The following MDFIC variants were observed in gnomAD, a reference collection of about 807,000 sequenced individuals.
The protein encoded by MDFIC is myoD family inhibitor domain-containing protein.
In MDFIC, 17 loss-of-function variants were observed where a neutral mutation model predicts 23.2. The observed-to-expected ratio is 0.73, with a 90% CI of 0.50 to 1.10. The LOEUF is 1.10. Among genes scored for constraint, MDFIC ranks in the 50% least tolerant of loss-of-function variants. MDFIC has a pLI of 0.00. For synonymous variants in MDFIC, 120 were observed against 115.2 expected, an observed-to-expected ratio of 1.04 and a Z score of -0.27; for missense variants, 356 against 316.6, an observed-to-expected ratio of 1.12 and a Z score of -0.95.
At chr7:114,979,115 G>A (rs190598597) in intron 3 of MDFIC, among the ~76,000 whole-genome samples, 3 of 152,082 alleles carry the variant, frequency 2.0e-5, no homozygotes, top group Non-Finnish European at 4.4e-5. Flanking sequence ...TTTGTTATTA[G>A]TAGTAGTATT....
At chr7:114,938,158 G>T (rs1792465111) in intron 2 of MDFIC, among the ~76,000 whole-genome samples, 1 of 151,948 alleles carries the variant, frequency 6.6e-6, no homozygotes, top group East Asian at 1.9e-4. Context: ...GTTTTACCAT[G>T]TTGGTCAGGC....
intron 3 of MDFIC, among the ~76,000 whole-genome samples, chr7:114,956,358 CAT>C (rs10671125): frequency 8.0e-5 from 12 of 149,634 alleles, no homozygotes; most frequent in East Asian, 2.0e-4. Flanking sequence ...TACACACACA[CAT>C]ATATATATAT....
rs557378267 is a variant in MDFIC, at chr7:114,960,334, C to T, written c.217+17937C>T. 5.3e-5 allele frequency among the ~76,000 whole-genome samples: 8 copies of T among 152,254 alleles called. No homozygotes were observed. The East Asian group carries it at 1.4e-3, about 26-fold the overall frequency. On this transcript the variant is annotated intron_variant, in intron 3 of 4. Transcript: ENST00000393486. ...GCCATGGAAAGCATAGAACCTCTTC[C>T]TTACTGCGTTTTCAGGCTGATCCAG...
intron 2 of MDFIC, among the ~76,000 whole-genome samples, chr7:114,939,846 T>C (rs1792503635): frequency 6.6e-6 from 1 of 152,214 alleles, no homozygotes; most frequent in South Asian, 2.1e-4. Flanking sequence ...TTAATTTCAT[T>C]CAGCTTCAAT....
At chr7:115,007,326 G>A (rs1408780918) in intron 4 of MDFIC, among the ~76,000 whole-genome samples, 2 of 152,080 alleles carry the variant, frequency 1.3e-5, no homozygotes, top group Non-Finnish European at 1.5e-5. Context: ...AGTACTTAAT[G>A]TGCATTATCT....
chr7:114,927,457 C>T (rs373814719), intron 2 of MDFIC, among the ~76,000 whole-genome samples: 1 of 151,658 alleles, frequency 6.6e-6, no homozygotes, highest in Admixed American at 6.6e-5. Flanking sequence ...TTGTCATACG[C>T]TTCAATTCAT....
At chr7:114,949,809 A>G (rs1458045205) in intron 3 of MDFIC, among the ~76,000 whole-genome samples, 2 of 152,222 alleles carry the variant, frequency 1.3e-5, no homozygotes, top group East Asian at 3.9e-4. Context: ...GGAGGGGGCC[A>G]GAGGGAGCTT....
At chr7:115,004,941 G>A (rs556529212) in intron 4 of MDFIC, among the ~76,000 whole-genome samples, 4 of 152,308 alleles carry the variant, frequency 2.6e-5, no homozygotes, top group South Asian at 2.1e-4. Context: ...GTACAGTATG[G>A]CTATTTGCTC....
intron 4 of MDFIC, chr7:115,014,501 C>A: frequency 1.6e-6 from 2 of 1,289,506 alleles, no homozygotes; most frequent in Non-Finnish European, 2.0e-6. Flanking sequence ...ATTTTAATGC[C>A]AAATACAGAA....
intron 2 of MDFIC, among the ~76,000 whole-genome samples, chr7:114,931,289 C>T (rs140265316): frequency 2.6e-4 from 39 of 152,278 alleles, no homozygotes; most frequent in African/African-American, 8.2e-4. Context: ...AATTTAATTT[C>T]GTTTGTGGTT....
At chr7:115,009,028 T>G (rs1032734101) in intron 4 of MDFIC, among the ~76,000 whole-genome samples, 2 of 152,184 alleles carry the variant, frequency 1.3e-5, no homozygotes, top group Admixed American at 6.5e-5. Flanking sequence ...CAAAGCAATT[T>G]CCTAAATTAC....
intron 2 of MDFIC, among the ~76,000 whole-genome samples, chr7:114,930,542 G>GGAATTTT (rs1563134971): frequency 4.6e-5 from 7 of 152,168 alleles, no homozygotes; most frequent in Non-Finnish European, 1.0e-4. Flanking sequence ...GAGGGAAGCT[G>GGAATTTT]TGGAATTTTT....
intron 4 of MDFIC, among the ~76,000 whole-genome samples, chr7:114,986,473 C>T (rs1793516321): frequency 6.6e-6 from 1 of 152,172 alleles, no homozygotes; most frequent in African/African-American, 2.4e-5. Flanking sequence ...TCCCCTCCTT[C>T]CTTGTGAATC....
intron 4 of MDFIC, among the ~76,000 whole-genome samples, chr7:114,981,396 C>T (rs550902785): frequency 2.6e-5 from 4 of 152,258 alleles, no homozygotes; most frequent in African/African-American, 9.6e-5. Flanking sequence ...TCATAAGTAA[C>T]ATACGAAGGA....
chr7:114,937,033 T>C (rs1792437489), intron 2 of MDFIC, among the ~76,000 whole-genome samples: 1 of 152,132 alleles, frequency 6.6e-6, no homozygotes, highest in Non-Finnish European at 1.5e-5. Flanking sequence ...TCTCTCTTGC[T>C]AATCACCATC....
intron 4 of MDFIC, among the ~76,000 whole-genome samples, chr7:114,984,115 A>G (rs139179237): frequency 0.012 from 1,827 of 152,248 alleles, 19 homozygotes; most frequent in Admixed American, 0.019. Flanking sequence ...AAGTTTTCTG[A>G]AAAAAAGGTA....
intron 4 of MDFIC, among the ~76,000 whole-genome samples, chr7:115,009,985 C>T (rs181677656): frequency 1.3e-5 from 2 of 152,142 alleles, no homozygotes; most frequent in East Asian, 1.9e-4. Flanking sequence ...TTTCCCAGAA[C>T]CAAGTGGTCT....
intron 4 of MDFIC, among the ~76,000 whole-genome samples, chr7:114,992,865 A>G (rs150213073): frequency 0.073 from 11,048 of 152,254 alleles, 895 homozygotes; most frequent in East Asian, 0.45. Flanking sequence ...TGGCCTCATA[A>G]AATGAGTTAG....
In MDFIC at chr7:114,932,314, T is replaced by C. The variant is rs117334304; in HGVS notation, c.94+9187T>C. Among the ~76,000 whole-genome samples, 1,031 of 152,208 alleles carry C rather than the reference T, an allele frequency of 6.8e-3. 7 individuals are homozygous for C. Among genetic ancestry groups the C allele is most frequent in the Non-Finnish European group, 0.012 (799 of 67,998 alleles). On this transcript the variant is annotated intron_variant, in intron 2 of 4. Transcript: ENST00000393486. ...AAGAGACTGAGGCACTGGTAGTGGGTGTGGAAAAGAAACTATAGATTTGCG... is the reference window on the plus strand; with the variant it reads ...AAGAGACTGAGGCACTGGTAGTGGGCGTGGAAAAGAAACTATAGATTTGCG...
Sources: allele counts gnomAD v4.1 joint callset (sites outside exome capture counted in the v4.1 genomes callset), GRCh38; gene constraint gnomAD v4.1.1; transcripts MANE v1.5; gene names NCBI Gene and HGNC (gene_info 2026-07-23, HGNC 2026-07-21).